The following ZNF577 variants were observed in gnomAD, a reference collection of about 807,000 sequenced individuals.
ZNF577 encodes zinc finger protein 577.
In ZNF577, 14 loss-of-function variants were observed where a neutral mutation model predicts 13.9. That is an observed-to-expected ratio of 1.00 (90% CI 0.66 to 1.57). The LOEUF is 1.57. Among genes scored for constraint, ZNF577 ranks in the 40% most tolerant of loss-of-function variants. ZNF577 has a pLI of 0.00. For synonymous variants in ZNF577, 203 were observed against 202.9 expected (o/e 1.00, Z 0.00); for missense variants, 555 against 579.2 (o/e 0.96, Z 0.43).
rs1328539429 is a variant in ZNF577 at position 51,873,712 on chromosome 19, T to C, written c.284-6A>G. 6.3e-7 allele frequency: 1 copy of C among 1,590,650 alleles called. No homozygotes were observed. The highest frequency in any genetic ancestry group is 2.2e-5 in the East Asian group (1 of 44,652). ...TCTACTCTGGATTACAAAACCTAAA[T>C]GAGATTTCAAACTTTTACAATGCGA... On this transcript the variant is annotated splice_region_variant and splice_polypyrimidine_tract_variant and intron_variant, in intron 5 of 5. Transcript: ENST00000638348.
chr19:51,809,430 G>C (rs1272307637), intron 10 of ZNF577, among the ~76,000 whole-genome samples: 1 of 152,192 alleles, frequency 6.6e-6, no homozygotes, highest in Non-Finnish European at 1.5e-5. Context: ...TACTACACAG[G>C]TAGGTCTATT....
chr19:51,887,057 C>A lies in ZNF577; in HGVS notation c.-455G>T, dbSNP rs2084957752. ...AAAGGAAAGGGGGAGGGGTCTTATG[C>A]AAAAAAAAAGTCACGATTTACAACA... is the stretch of plus-strand genomic sequence containing the variant. On this transcript the variant is annotated 5_prime_UTR_variant, in exon 1 of 6. Transcript: ENST00000638348. 6.7e-6 allele frequency: 1 copy of A among 149,720 alleles called. No individual in the cohort carries two copies. The highest frequency in any genetic ancestry group is 2.1e-4 in the South Asian group (1 of 4,754). The allele number at this position is 149,720 out of a possible 1,614,324, so 9.3% of individuals were successfully genotyped here. A position where few individuals can be genotyped will look rare whatever the true frequency, so the allele number is the denominator to read the frequency against.
chr19:51,828,601 A>G (rs917188389), intron 9 of ZNF577, among the ~76,000 whole-genome samples: 1 of 152,020 alleles, frequency 6.6e-6, no homozygotes, highest in African/African-American at 2.4e-5. Context: ...GTGGAGTCTC[A>G]ATTCCCATTG....
chr19:51,808,178 T>C (rs1229807085), intron 10 of ZNF577, among the ~76,000 whole-genome samples: 1 of 152,252 alleles, frequency 6.6e-6, no homozygotes, highest in Non-Finnish European at 1.5e-5. Context: ...TATGTGTAAG[T>C]TGATAGGTAG....
chr19:51,858,035 T>A (rs1466841617), intron 5 of ZNF577, among the ~76,000 whole-genome samples: 1 of 152,036 alleles, frequency 6.6e-6, no homozygotes, highest in Non-Finnish European at 1.5e-5. Context: ...TGAATTCCCT[T>A]ACTCTCACCA....
chr19:51,807,801 G>A (rs1318626263), intron 10 of ZNF577, among the ~76,000 whole-genome samples: 1 of 152,224 alleles, frequency 6.6e-6, no homozygotes, highest in Non-Finnish European at 1.5e-5. Flanking sequence ...CCAAGCTGCA[G>A]CTTGTTGCTG....
In ZNF577 at chr19:51,870,064, C is replaced by T. The variant is rs1320833461; in HGVS notation, c.*2468G>A. 2.6e-4 allele frequency among the ~76,000 whole-genome samples: 39 copies of T among 152,226 alleles called. No homozygotes were observed. Among genetic ancestry groups the T allele is most frequent in the Non-Finnish European group, 2.9e-5 (2 of 68,038 alleles). On this transcript the variant is annotated 3_prime_UTR_variant, in exon 6 of 6. Coordinates refer to ENST00000638348, the MANE Select transcript of ZNF577 (RefSeq NM_001370449.1). ...CCTGGGAGGATTAACATCCTAGGGGCATTGGGTCCAGTGCGTAGACTGAGC... is the reference window on the plus strand; with the variant it reads ...CCTGGGAGGATTAACATCCTAGGGGTATTGGGTCCAGTGCGTAGACTGAGC...
intron 9 of ZNF577, among the ~76,000 whole-genome samples, chr19:51,822,519 A>G (rs1345301390): frequency 6.6e-6 from 1 of 152,188 alleles, no homozygotes; most frequent in Non-Finnish European, 1.5e-5. Context: ...AAGCTAGATT[A>G]AAGATCTTTG....
At chr19:51,848,446 T>C (rs2084365098) in intron 5 of ZNF577, among the ~76,000 whole-genome samples, 1 of 152,220 alleles carries the variant, frequency 6.6e-6, no homozygotes, top group Non-Finnish European at 1.5e-5. Context: ...CCACATTTAC[T>C]GAAGCATTAT....
At chr19:51,816,223 A>T (rs2084135967) in intron 9 of ZNF577, among the ~76,000 whole-genome samples, 1 of 152,162 alleles carries the variant, frequency 6.6e-6, no homozygotes, top group Admixed American at 6.5e-5. Context: ...CTATGCATCT[A>T]TTTTGACTGT....
downstream of ZNF577, among the ~76,000 whole-genome samples, chr19:51,864,843 T>C (rs1477942323): frequency 1.3e-5 from 2 of 152,168 alleles, no homozygotes; most frequent in Non-Finnish European, 2.9e-5. Context: ...TTACCAATGA[T>C]GAAGCACCCT....
intron 5 of ZNF577, among the ~76,000 whole-genome samples, chr19:51,849,070 A>C (rs1599852099): frequency 6.6e-6 from 1 of 152,170 alleles, no homozygotes; most frequent in Non-Finnish European, 1.5e-5. Flanking sequence ...CCCCTTTTAA[A>C]ATATGTGCAC....
At chr19:51,865,957 A>T (rs2084558121), downstream of ZNF577, among the ~76,000 whole-genome samples, 1 of 152,092 alleles carries the variant, frequency 6.6e-6, no homozygotes, top group Non-Finnish European at 1.5e-5. Flanking sequence ...TCTACTAAAA[A>T]TACAAAACTT....
intron 9 of ZNF577, among the ~76,000 whole-genome samples, chr19:51,839,107 C>G (rs2084305062): frequency 6.6e-6 from 1 of 152,128 alleles, no homozygotes; most frequent in South Asian, 2.1e-4. Flanking sequence ...AAGGAGATAC[C>G]ATCATTTTTT....
At position 51,873,265 on chromosome 19, in the gene ZNF577, T is replaced by C; in HGVS notation, c.725A>G (p.Tyr242Cys). The change falls in exon 6 of 6, where the codon TAC becomes TGC. Residue 242 changes from tyrosine (Y) to cysteine (C), a missense_variant. Tyr to Cys is a radical substitution (Grantham distance 194). Coordinates refer to ENST00000638348, the MANE Select transcript of ZNF577 (RefSeq NM_001370449.1). ...GGCTTTTCCGCATTTGCTGCATCTGTAGGGTTTCTCTCCTGTATGGGTTCT... is the reference window on the plus strand; with the variant it reads ...GGCTTTTCCGCATTTGCTGCATCTGCAGGGTTTCTCTCCTGTATGGGTTCT... ...HQRTHTGEKP[Y>C]RCSKCGKAFS... 6.2e-7 allele frequency: 1 copy of C among 1,613,110 alleles called. No homozygotes were observed.
chr19:51,887,772 A>G lies in ZNF577; in HGVS notation c.-1170T>C, dbSNP rs2084974054. 1 of 151,566 alleles carries G rather than the reference A, an allele frequency of 6.6e-6. No homozygotes were observed. Among genetic ancestry groups the G allele is most frequent in the East Asian group, 1.9e-4 (1 of 5,168 alleles). The allele number at this position is 151,566 out of a possible 1,614,324, so 9.4% of individuals were successfully genotyped here. A position where few individuals can be genotyped will look rare whatever the true frequency, so the allele number is the denominator to read the frequency against. On this transcript the variant is annotated 5_prime_UTR_variant, in exon 1 of 6. Transcript: ENST00000638348. ...CACGGACCTCACGCGCTAGCGAACAACAGAAAAAAAAAAGCGCGCTCTCCC... is the reference window on the plus strand; with the variant it reads ...CACGGACCTCACGCGCTAGCGAACAGCAGAAAAAAAAAAGCGCGCTCTCCC...
intron 9 of ZNF577, among the ~76,000 whole-genome samples, chr19:51,812,677 A>G (rs532184115): frequency 6.6e-6 from 1 of 152,304 alleles, no homozygotes; most frequent in African/African-American, 2.4e-5. Flanking sequence ...AATGACATCC[A>G]CAGTCTCCAT....
chr19:51,880,509 T>C (rs1057479696), intron 2 of ZNF577, 108 bp from the exon 3 acceptor site: 11 of 885,368 alleles, frequency 1.2e-5, no homozygotes, highest in African/African-American at 3.4e-5. Context: ...CCCTGATCCA[T>C]ATATCTTGTT....
At chr19:51,851,118 A>G (rs985049818) in intron 5 of ZNF577, among the ~76,000 whole-genome samples, 1 of 152,224 alleles carries the variant, frequency 6.6e-6, no homozygotes, top group African/African-American at 2.4e-5. Flanking sequence ...CATAATTACA[A>G]TCTTTATAAG....
Sources: gnomAD v4.1 joint callset for allele counts (sites outside exome capture counted in the v4.1 genomes callset) on GRCh38, gnomAD v4.1.1 for gene constraint, MANE v1.5 for transcripts, NCBI Gene and HGNC (gene_info 2026-07-23, HGNC 2026-07-21) for gene names.